The following IQGAP2 variants were observed in gnomAD, a reference collection of about 807,000 sequenced individuals.
The protein encoded by IQGAP2 is IQ motif containing GTPase activating protein 2.
In IQGAP2, 173 loss-of-function variants were observed where a neutral mutation model predicts 201.3. The observed-to-expected ratio is 0.86, with a 90% CI of 0.76 to 0.98. IQGAP2 has a LOEUF of 0.98. Ranked by LOEUF, IQGAP2 falls within the 50% of genes least tolerant of loss-of-function variation. IQGAP2 has a pLI of 0.00. For missense variants in IQGAP2, 1,687 were observed against 1,864.8 expected (o/e 0.90, Z 1.76); for synonymous variants, 675 against 673.9 (o/e 1.00, Z -0.03).
intron 5 of IQGAP2, among the ~76,000 whole-genome samples, chr5:76,587,553 T>C (rs1311836574): frequency 2.6e-5 from 4 of 152,238 alleles, no homozygotes; most frequent in Non-Finnish European, 2.9e-5. Flanking sequence ...AAATATTTAG[T>C]GTGTAACTGA....
rs569569569 is a variant in IQGAP2, at chr5:76,444,114, G to C, written c.47-17456G>C. Among the ~76,000 whole-genome samples the C allele has an allele frequency of 6.6e-5, 10 of 152,212 alleles. No homozygotes were observed. The South Asian group carries it at 2.1e-3, about 32-fold the overall frequency. Reference sequence around the variant, plus strand: ...GTTAGAAAATCAATAGGCTGGGTGCGATGGCTTATACCTGTAATCCCATCA... The same window carrying C: ...GTTAGAAAATCAATAGGCTGGGTGCCATGGCTTATACCTGTAATCCCATCA... On this transcript the variant is annotated intron_variant, in intron 1 of 35. Coordinates refer to ENST00000274364, the MANE Select transcript of IQGAP2 (RefSeq NM_006633.5).
At chr5:76,688,218 G>A (rs1745957829) in intron 30 of IQGAP2, among the ~76,000 whole-genome samples, 1 of 152,164 alleles carries the variant, frequency 6.6e-6, no homozygotes, top group Admixed American at 6.5e-5. Context: ...CAGAGCAATT[G>A]GGATGTGAAA....
At chr5:76,522,172 T>C (rs1171811536) in intron 2 of IQGAP2, among the ~76,000 whole-genome samples, 1 of 143,612 alleles carries the variant, frequency 7.0e-6, no homozygotes, top group Non-Finnish European at 1.5e-5. Flanking sequence ...GGAGGGAGCA[T>C]ATCCCTAGAA....
chr5:76,478,452 A>T (rs987629102), intron 2 of IQGAP2, among the ~76,000 whole-genome samples: 1 of 152,218 alleles, frequency 6.6e-6, no homozygotes, highest in East Asian at 1.9e-4. Context: ...TAAAGTCTAC[A>T]GTAGTGTACG....
chr5:76,493,727 G>A (rs1756709532), intron 2 of IQGAP2, among the ~76,000 whole-genome samples: 1 of 152,130 alleles, frequency 6.6e-6, no homozygotes, highest in South Asian at 2.1e-4. Context: ...CAAATGTCTA[G>A]AACAGTGCCT....
intron 2 of IQGAP2, among the ~76,000 whole-genome samples, chr5:76,501,266 A>G (rs1757255806): frequency 6.6e-6 from 1 of 152,136 alleles, no homozygotes; most frequent in African/African-American, 2.4e-5. Flanking sequence ...ATGTGGAAAA[A>G]CAAAAATAAT....
intron 13 of IQGAP2, among the ~76,000 whole-genome samples, chr5:76,611,477 A>G (rs1748406438): frequency 6.6e-6 from 1 of 152,186 alleles, no homozygotes; most frequent in Non-Finnish European, 1.5e-5. Context: ...CTATGTGCAC[A>G]CTTCAGTCCA....
At chr5:76,689,224 G>A (rs1746043203) in intron 30 of IQGAP2, among the ~76,000 whole-genome samples, 1 of 63,512 alleles carries the variant, frequency 1.6e-5, no homozygotes. Context: ...CAAGCACAGG[G>A]ATATTTAAAA....
chr5:76,654,676 G>A (rs151211670), intron 19 of IQGAP2, among the ~76,000 whole-genome samples: 1 of 152,334 alleles, frequency 6.6e-6, no homozygotes, highest in East Asian at 1.9e-4. Context: ...TCTAAGTTGT[G>A]TGCTAAAATT....
intron 2 of IQGAP2, among the ~76,000 whole-genome samples, chr5:76,493,284 A>T (rs1166458336): frequency 2.2e-5 from 3 of 135,450 alleles, no homozygotes; most frequent in Non-Finnish European, 3.2e-5. Flanking sequence ...CCCGCCCCTC[A>T]CCACCCCTCT....
At chr5:76,584,751 C>T (rs1746125697) in intron 5 of IQGAP2, among the ~76,000 whole-genome samples, 1 of 152,094 alleles carries the variant, frequency 6.6e-6, no homozygotes, top group Non-Finnish European at 1.5e-5. Flanking sequence ...AATGCTGGCT[C>T]CTGACATGCG....
chr5:76,515,070 C>CAAA, intron 2 of IQGAP2, among the ~76,000 whole-genome samples: 1 of 152,218 alleles, frequency 6.6e-6, no homozygotes, highest in South Asian at 2.1e-4. Flanking sequence ...TGTAGCCCTA[C>CAAA]TTTGACTGCT....
chr5:76,688,371 A>G (rs866086794), intron 30 of IQGAP2, among the ~76,000 whole-genome samples: 12 of 152,232 alleles, frequency 7.9e-5, no homozygotes, highest in South Asian at 6.2e-4. Flanking sequence ...GGAGGCCCCC[A>G]CAGTAGCAGA....
intron 1 of IQGAP2, among the ~76,000 whole-genome samples, chr5:76,434,510 CA>C (rs1580181540): frequency 6.6e-6 from 1 of 152,132 alleles, no homozygotes; most frequent in East Asian, 1.9e-4. Flanking sequence ...CAAGTTGCTG[CA>C]AAAGACATTA....
intron 2 of IQGAP2, among the ~76,000 whole-genome samples, chr5:76,507,321 A>G (rs1757660275): frequency 6.6e-6 from 1 of 152,238 alleles, no homozygotes; most frequent in South Asian, 2.1e-4. Context: ...CACATGCACA[A>G]AAATGAACCC....
chr5:76,458,165 A>G (rs1754214072), intron 1 of IQGAP2, among the ~76,000 whole-genome samples: 1 of 152,130 alleles, frequency 6.6e-6, no homozygotes, highest in African/African-American at 2.4e-5. Context: ...TTTACCATTG[A>G]CCCAGCAAAT....
chr5:76,430,838 A>T (rs2150091316), intron 1 of IQGAP2, among the ~76,000 whole-genome samples: 1 of 152,332 alleles, frequency 6.6e-6, no homozygotes. Context: ...TGAAGAATTA[A>T]TGAAAATAAT....
rs1580244309 is a variant in IQGAP2, at chr5:76,461,670, G to T, written c.146+1G>T. Reference sequence around the variant, plus strand: ...TGTGCCACTTAGAGGAAGCCAAAAGGTAAGATCCAGACTTAGTCTATTTGT... The same window carrying T: ...TGTGCCACTTAGAGGAAGCCAAAAGTTAAGATCCAGACTTAGTCTATTTGT... On this transcript the variant is annotated splice_donor_variant, in intron 2 of 35. Coordinates refer to ENST00000274364, the MANE Select transcript of IQGAP2 (RefSeq NM_006633.5). LOFTEE classifies it high-confidence loss of function. The T allele has an allele frequency of 6.2e-7, 1 of 1,603,256 alleles. No homozygotes were observed. The highest frequency in any genetic ancestry group is 8.5e-7 in the Non-Finnish European group (1 of 1,170,104).
chr5:76,668,312 A>G (rs2150475601), intron 22 of IQGAP2, among the ~76,000 whole-genome samples: 1 of 152,210 alleles, frequency 6.6e-6, no homozygotes, highest in East Asian at 1.9e-4. Context: ...TAAGTGTATC[A>G]TATAGTGTGT....
Sources: allele counts gnomAD v4.1 joint callset (sites outside exome capture counted in the v4.1 genomes callset), GRCh38; gene constraint gnomAD v4.1.1; transcripts MANE v1.5; gene names NCBI Gene and HGNC (gene_info 2026-07-23, HGNC 2026-07-21).